The following CEP350 variants were observed in gnomAD, a reference collection of about 807,000 sequenced individuals.
CEP350 encodes the protein centrosomal protein 350.
Under a neutral mutation model 331.8 loss-of-function variants are expected in CEP350, and 126 were observed. The observed-to-expected ratio is 0.38, with a 90% confidence interval of 0.33 to 0.44. CEP350 has a LOEUF of 0.44. Among genes scored for constraint, CEP350 ranks in the 20% least tolerant of loss-of-function variants. The pLI, the probability that CEP350 is intolerant of heterozygous loss-of-function variation, is 1.00. For missense variants in CEP350, 3,406 were observed against 3,634.6 expected (o/e 0.94, Z 1.62); for synonymous variants, 1,200 against 1,259.5 (o/e 0.95, Z 1.00).
intron 14 of CEP350, among the ~76,000 whole-genome samples, chr1:180,031,061 CT>C (rs1655993024): frequency 6.6e-6 from 1 of 151,802 alleles, no homozygotes; most frequent in South Asian, 2.1e-4. Context: ...ATATATTTAT[CT>C]TTTATTACTA....
At chr1:180,059,607 C>T (rs1412410398) in intron 25 of CEP350, among the ~76,000 whole-genome samples, 1 of 147,060 alleles carries the variant, frequency 6.8e-6, no homozygotes, top group Non-Finnish European at 1.5e-5. Context: ...TATTTGTGCA[C>T]TTGTTTGAAT....
chr1:180,080,158 G>A (rs544189776), intron 29 of CEP350, among the ~76,000 whole-genome samples: 18 of 152,004 alleles, frequency 1.2e-4, no homozygotes, highest in African/African-American at 2.7e-4. Flanking sequence ...TCTCCTTTCC[G>A]TAAAAGTAGT....
chr1:180,107,717 A>G (rs1661223123), intron 37 of CEP350, among the ~76,000 whole-genome samples: 1 of 152,112 alleles, frequency 6.6e-6, no homozygotes, highest in African/African-American at 2.4e-5. Flanking sequence ...CAACTTGTTC[A>G]CAAGGATACA....
intron 27 of CEP350, among the ~76,000 whole-genome samples, chr1:180,067,411 G>C (rs563426650): frequency 2.0e-5 from 3 of 152,134 alleles, no homozygotes; most frequent in African/African-American, 7.2e-5. Flanking sequence ...GGATGAGGCC[G>C]GGCCTGGTGG....
At chr1:180,050,107 C>T (rs1187009687) in intron 22 of CEP350, among the ~76,000 whole-genome samples, 1 of 152,158 alleles carries the variant, frequency 6.6e-6, no homozygotes, top group African/African-American at 2.4e-5. Context: ...CCAAAGAAAC[C>T]AAACCCTTAA....
At chr1:179,966,219 T>C (rs958868509) in intron 1 of CEP350, among the ~76,000 whole-genome samples, 28 of 152,256 alleles carry the variant, frequency 1.8e-4, no homozygotes, top group South Asian at 4.1e-4. Flanking sequence ...CTATAAAGAG[T>C]CTTTTTATAA....
At chr1:180,065,308 C>A in intron 27 of CEP350, 36 bp downstream of exon 27, 1 of 1,560,340 alleles carries the variant, frequency 6.4e-7, no homozygotes, top group Admixed American at 2.0e-5. Flanking sequence ...TGTTTAGTTA[C>A]ATTGAAAGTA....
At chr1:180,003,832 T>C (rs949181683) in intron 7 of CEP350, among the ~76,000 whole-genome samples, 19 of 152,108 alleles carry the variant, frequency 1.2e-4, no homozygotes, top group African/African-American at 3.6e-4. Flanking sequence ...TTCTATTTTT[T>C]ACAGTTGAGG....
intron 17 of CEP350, 36 bp from the exon 18 acceptor site, chr1:180,041,102 G>A (rs372790163): frequency 1.5e-5 from 22 of 1,458,984 alleles, no homozygotes; most frequent in Admixed American, 2.0e-5. Context: ...AAATAGTTTC[G>A]TATCTGAGAA....
At chr1:180,027,301 T>G (rs1398592160) in intron 14 of CEP350, among the ~76,000 whole-genome samples, 1 of 152,236 alleles carries the variant, frequency 6.6e-6, no homozygotes, top group East Asian at 1.9e-4. Flanking sequence ...TCAGTAAATA[T>G]GGATTACCAT....
chr1:180,022,622 C>A, intron 12 of CEP350, 76 bp from the exon 13 acceptor site: 1 of 1,318,326 alleles, frequency 7.6e-7, no homozygotes, highest in Non-Finnish European at 1.1e-6. Flanking sequence ...TATTGCTAAT[C>A]TCCATGTATG....
intron 37 of CEP350, among the ~76,000 whole-genome samples, chr1:180,104,043 T>A (rs1367787571): frequency 7.2e-6 from 1 of 138,780 alleles, no homozygotes; most frequent in Non-Finnish European, 1.5e-5. Flanking sequence ...ATACAAAATA[T>A]ATACAAATAT....
chr1:180,003,381 T>C, intron 7 of CEP350, 94 bp downstream of exon 7: 1 of 851,992 alleles, frequency 1.2e-6, no homozygotes, highest in Non-Finnish European at 1.8e-6. Flanking sequence ...AAACTAACAA[T>C]ATTTTCCTTC....
intron 3 of CEP350, among the ~76,000 whole-genome samples, chr1:179,989,480 C>G (rs546530876): frequency 1.4e-5 from 1 of 72,146 alleles, no homozygotes; most frequent in Non-Finnish European, 3.0e-5. Flanking sequence ...GAGACCCTGT[C>G]TCAAAAAAAA....
At chr1:179,994,803 T>C (rs540134853) in intron 5 of CEP350, among the ~76,000 whole-genome samples, 9 of 152,266 alleles carry the variant, frequency 5.9e-5, no homozygotes, top group Admixed American at 5.9e-4. Context: ...CTAAAGTTTT[T>C]TGGGTTGTGG....
At chr1:179,957,385 T>C (rs1650246724) in intron 1 of CEP350, among the ~76,000 whole-genome samples, 1 of 152,202 alleles carries the variant, frequency 6.6e-6, no homozygotes, top group African/African-American at 2.4e-5. Flanking sequence ...GATTGCATAG[T>C]ATTTTTTTCT....
At chr1:180,057,769 G>A (rs1657950089) in intron 25 of CEP350, among the ~76,000 whole-genome samples, 1 of 152,134 alleles carries the variant, frequency 6.6e-6, no homozygotes, top group African/African-American at 2.4e-5. Flanking sequence ...GAGTTGGTAA[G>A]CCTCAGTCTA....
intron 11 of CEP350, among the ~76,000 whole-genome samples, chr1:180,018,948 C>T (rs1289359692): frequency 5.3e-5 from 8 of 150,972 alleles, no homozygotes; most frequent in Non-Finnish European, 8.8e-5. Flanking sequence ...CTCCACCTCT[C>T]GGGTTCAAGC....
At chr1:180,106,996 T>G (rs1457877589) in intron 37 of CEP350, among the ~76,000 whole-genome samples, 1 of 152,166 alleles carries the variant, frequency 6.6e-6, no homozygotes, top group Admixed American at 6.5e-5. Flanking sequence ...CTTGATTCTT[T>G]CTTTGAACAT....
Sources: allele counts gnomAD v4.1 joint callset (sites outside exome capture counted in the v4.1 genomes callset), GRCh38; gene constraint gnomAD v4.1.1; transcripts MANE v1.5; gene names NCBI Gene and HGNC (gene_info 2026-07-23, HGNC 2026-07-21).